PCDHGB3: variants seen among roughly 807,000 people sequenced by gnomAD.
PCDHGB3 encodes the protein protocadherin gamma-B3.
PCDHGB3 carries 40 observed loss-of-function variants against 59.2 expected under a neutral mutation model. The ratio of observed to expected loss-of-function variants is 0.68; its 90% CI spans 0.52 to 0.88. PCDHGB3 has a LOEUF of 0.88. PCDHGB3 is among the 40% of genes least tolerant of loss of function. The probability of loss-of-function intolerance (pLI) is 0.00; values close to 1 mark genes in which losing one functional copy is unlikely to be tolerated. For missense variants in PCDHGB3, 1,309 were observed against 1,187.9 expected (o/e 1.10, Z -1.50); for synonymous variants, 581 against 503.6 (o/e 1.15, Z -2.06).
intron 1 of PCDHGB3, chr5:141,433,292 C>A: frequency 9.2e-7 from 1 of 1,082,526 alleles, no homozygotes; most frequent in South Asian, 1.6e-5. Context: ...CTCCTAGGCT[C>A]AAGCAATTAT....
intron 1 of PCDHGB3, chr5:141,375,273 C>A (rs770340172): frequency 6.2e-7 from 1 of 1,613,854 alleles, no homozygotes; most frequent in South Asian, 1.1e-5. Flanking sequence ...TTGGAAAAAT[C>A]AGTTGGCAAT....
At chr5:141,414,882 C>T (rs759814512) in intron 1 of PCDHGB3, 7 of 1,614,104 alleles carry the variant, frequency 4.3e-6, no homozygotes, top group East Asian at 4.5e-5. Context: ...TCCTGTACCC[C>T]GCCCTCCCCA....
At chr5:141,408,600 T>C (rs761951478) in intron 1 of PCDHGB3, 7 of 1,613,998 alleles carry the variant, frequency 4.3e-6, no homozygotes, top group Non-Finnish European at 4.2e-6. Flanking sequence ...GCCCCTCAAT[T>C]TGATAAAAAG....
Position 141,371,239 on chromosome 5 carries a change from T to C in PCDHGB3, c.845T>C (p.Ile282Thr), listed in dbSNP as rs1319098085. 1 of 1,614,010 alleles carries C rather than the reference T, an allele frequency of 6.2e-7. No individual in the cohort carries two copies. Residue 282 changes from isoleucine (I) to threonine (T), a missense_variant, in exon 1 of 4, where the codon ATC becomes ACC. Physicochemically the swap from Ile to Thr is moderately conservative, Grantham distance 89 (BLOSUM62 -1). Transcript: ENST00000576222. ...AATGCCGAAATCATCTATGCCTTCA[T>C]CAATATTGGCAAGGAAGTGAGACAA... ...GINAEIIYAF[I>T]NIGKEVRQLF...
At chr5:141,395,497 A>T in intron 1 of PCDHGB3, 1 of 472,724 alleles carries the variant, frequency 2.1e-6, no homozygotes, top group Non-Finnish European at 3.7e-6. Flanking sequence ...TCACTCATTC[A>T]CTTAAGAAGT....
chr5:141,417,285 A>C (rs913143514), intron 1 of PCDHGB3: 2 of 152,254 alleles, frequency 1.3e-5, no homozygotes, highest in African/African-American at 4.8e-5. Flanking sequence ...AAGGAACAAG[A>C]ATGACTGCCT....
chr5:141,412,998 T>G, intron 1 of PCDHGB3: 1 of 586,036 alleles, frequency 1.7e-6, no homozygotes, highest in Non-Finnish European at 2.9e-6. Context: ...ATCCGGATTC[T>G]CAGGGCTTCA....
At chr5:141,389,445 G>A (rs749321526) in intron 1 of PCDHGB3, 7 of 1,610,526 alleles carry the variant, frequency 4.3e-6, no homozygotes, top group Non-Finnish European at 5.1e-6. Context: ...CTTCGACCAC[G>A]AGCAGCTGCG....
At chr5:141,376,407 A>G (rs1352753803) in intron 1 of PCDHGB3, 2 of 1,614,198 alleles carry the variant, frequency 1.2e-6, no homozygotes, top group Non-Finnish European at 1.7e-6. Flanking sequence ...CAGCCCAACT[A>G]TGCCGACACG....
At chr5:141,437,459 C>T (rs749625924) in intron 1 of PCDHGB3, among the ~76,000 whole-genome samples, 1 of 152,140 alleles carries the variant, frequency 6.6e-6, no homozygotes, top group Admixed American at 6.5e-5. Context: ...GGAGACTATA[C>T]TATACTTTTA....
Position 141,372,002 on chromosome 5 carries a change from C to T in PCDHGB3, c.1608C>T (p.Asp536=), listed in dbSNP as rs1010544928. Residue 536 remains aspartate (D), a synonymous_variant, in exon 1 of 4, where the codon GAC becomes GAT. Transcript: ENST00000576222. The part of the protein sequence containing the change: ...RAFELTLQAR[D]QGSPTLSANV... Reference sequence around the variant, plus strand: ...TCGAGCTCACTCTGCAGGCCCGCGACCAGGGCTCGCCTACGCTCAGCGCCA... The same window carrying T: ...TCGAGCTCACTCTGCAGGCCCGCGATCAGGGCTCGCCTACGCTCAGCGCCA... 3.1e-6 allele frequency: 5 copies of T among 1,613,170 alleles called. No homozygotes were observed. The highest frequency in any genetic ancestry group is 4.2e-6 in the Non-Finnish European group (5 of 1,179,762).
At chr5:141,379,974 A>ACTGCAACTTC (rs1471397851) in intron 1 of PCDHGB3, among the ~76,000 whole-genome samples, 23 of 128,142 alleles carry the variant, frequency 1.8e-4, no homozygotes, top group African/African-American at 6.6e-4. Context: ...ATCTCTGCTC[A>ACTGCAACTTC]CTGCAACTTC....
chr5:141,441,918 C>A (rs1183933153), intron 1 of PCDHGB3: 8 of 351,246 alleles, frequency 2.3e-5, no homozygotes, highest in African/African-American at 1.1e-4. Flanking sequence ...ATGTGAGACA[C>A]AATGCGTGGC....
At chr5:141,450,832 T>TTA (rs764784095) in intron 1 of PCDHGB3, among the ~76,000 whole-genome samples, 6,304 of 142,274 alleles carry the variant, frequency 0.044, 222 homozygotes, top group African/African-American at 0.11. Context: ...TATTATTATT[T>TTA]TTTTTTTTTT....
chr5:141,371,869 T>C lies in PCDHGB3; in HGVS notation c.1475T>C (p.Val492Ala), dbSNP rs1159672282. Residue 492 changes from valine to alanine, a missense_variant, in exon 1 of 4, where the codon GTG becomes GCG. By Grantham distance (64) the Val-to-Ala change is moderately conservative (BLOSUM62 0). Coordinates refer to ENST00000576222, the MANE Select transcript of PCDHGB3 (RefSeq NM_018924.5). ...AATGGCCTTGTCTCCTACTACATCG[T>C]GGCCAGTGACCTGGAGCCGCGGGAG... Reference protein sequence around the residue: ...GPNGLVSYYIVASDLEPRELS... With the variant: ...GPNGLVSYYIAASDLEPRELS... 1.2e-6 allele frequency: 2 copies of C among 1,613,426 alleles called. No individual in the cohort carries two copies. The highest frequency in any genetic ancestry group is 1.3e-5 in the African/African-American group (1 of 74,958).
At chr5:141,504,991 G>A (rs896449285) in intron 2 of PCDHGB3, among the ~76,000 whole-genome samples, 44 of 152,034 alleles carry the variant, frequency 2.9e-4, no homozygotes, top group Admixed American at 2.6e-3. Context: ...GTGAAACCCC[G>A]TCTGTACTAA....
chr5:141,375,612 A>AC (rs1771652841), intron 1 of PCDHGB3: 1 of 1,614,014 alleles, frequency 6.2e-7, no homozygotes. Flanking sequence ...ATCAACTCCG[A>AC]CACTGGGATT....
intron 1 of PCDHGB3, chr5:141,471,533 G>C (rs921328911): frequency 1.3e-5 from 2 of 152,234 alleles, no homozygotes. Context: ...AGGAAGCTAT[G>C]ATAGCATTTA....
At chr5:141,399,642 G>A (rs755191053) in intron 1 of PCDHGB3, 154 of 1,613,630 alleles carry the variant, frequency 9.5e-5, no homozygotes, top group East Asian at 4.2e-4. Context: ...CCATGAGCGC[G>A]CAAAGTGGGG....
Sources: allele counts gnomAD v4.1 joint callset (sites outside exome capture counted in the v4.1 genomes callset), GRCh38; gene constraint gnomAD v4.1.1; transcripts MANE v1.5; gene names NCBI Gene and HGNC (gene_info 2026-07-23, HGNC 2026-07-21).